The following UTP4 variants were observed in gnomAD, a reference collection of about 807,000 sequenced individuals.
The protein encoded by UTP4 is U3 small nucleolar RNA-associated protein 4 homolog.
Under a neutral mutation model 82.4 loss-of-function variants are expected in UTP4, and 45 were observed. That is an observed-to-expected ratio of 0.55 (90% CI 0.43 to 0.70). The LOEUF (loss-of-function observed/expected upper bound fraction) is 0.70, where lower values mean the gene tolerates loss of function less well. Ranked by LOEUF, UTP4 falls within the 30% of genes least tolerant of loss-of-function variation. The probability of loss-of-function intolerance (pLI) is 0.00; values close to 1 mark genes in which losing one functional copy is unlikely to be tolerated. For missense variants in UTP4, 819 were observed against 858.3 expected (o/e 0.95, Z 0.57); for synonymous variants, 348 against 300.3 (o/e 1.16, Z -1.64).
At position 69,150,712 on chromosome 16, in the gene UTP4, G is replaced by T. The variant is rs1963238489; in HGVS notation, c.910+4G>T. On this transcript the variant is annotated splice_donor_region_variant and intron_variant, in intron 7 of 16. Coordinates refer to ENST00000314423, the MANE Select transcript of UTP4 (RefSeq NM_032830.3). Reference sequence around the variant, plus strand: ...CCAACAGCGCTGATATCTGGAGGTGGGTTCCCCCTCTGGTGAGGCTGCTGC... The same window carrying T: ...CCAACAGCGCTGATATCTGGAGGTGTGTTCCCCCTCTGGTGAGGCTGCTGC... 10 of 1,614,192 alleles carry T rather than the reference G, an allele frequency of 6.2e-6. No individual in the cohort carries two copies. Among genetic ancestry groups the T allele is most frequent in the Non-Finnish European group, 8.5e-6 (10 of 1,180,042 alleles).
rs375717892 is a variant in UTP4 at position 69,165,922 on chromosome 16, G to A, written c.1833+396G>A. 4.6e-5 allele frequency: 16 copies of A among 348,516 alleles called. No homozygotes were observed. The East Asian group carries it at 5.8e-4, about 13-fold the overall frequency. The allele number at this position is 348,516 out of a possible 1,614,324, so 21.6% of individuals were successfully genotyped here. On this transcript the variant is annotated intron_variant, in intron 15 of 16. Coordinates refer to ENST00000314423, the MANE Select transcript of UTP4 (RefSeq NM_032830.3). ...GAACTCTGGGGTATCTGAATAACCTGGTTTCATTAAAGGAGGTACAGGCTG... is the reference window on the plus strand; with the variant it reads ...GAACTCTGGGGTATCTGAATAACCTAGTTTCATTAAAGGAGGTACAGGCTG...
rs11541983 is a variant in UTP4 at position 69,136,780 on chromosome 16, G to A, written c.244G>A (p.Glu82Lys). The part of the protein sequence containing the change: ...QRLFSAGLNG[E>K]IMEYDLQALN... ...ACTCTTTAGTGCTGGGCTCAATGGCGAGATTATGGAGTATGATTTACAGGC... is the reference window on the plus strand; with the variant it reads ...ACTCTTTAGTGCTGGGCTCAATGGCAAGATTATGGAGTATGATTTACAGGC... Residue 82 changes from glutamate (E) to lysine (K), a missense_variant, in exon 3 of 17, where the codon GAG (glutamate) becomes AAG (lysine). Physicochemically the swap from Glu to Lys is moderately conservative, Grantham distance 56. Transcript: ENST00000314423. The A allele has an allele frequency of 1.7e-5, 27 of 1,614,168 alleles. No homozygotes were observed. The highest frequency in any genetic ancestry group is 3.3e-5 in the Admixed American group (2 of 60,018).
intron 13 of UTP4, among the ~76,000 whole-genome samples, chr16:69,161,748 T>A (rs1370884455): frequency 1.3e-5 from 2 of 152,194 alleles, no homozygotes; most frequent in Non-Finnish European, 2.9e-5. Flanking sequence ...CACTGCAGCC[T>A]TGACCTCTCT....
intron 4 of UTP4, chr16:69,139,582 T>C: frequency 6.2e-6 from 1 of 161,220 alleles, no homozygotes; most frequent in Non-Finnish European, 1.3e-5. Context: ...GAGGTTGCAG[T>C]GAGCCGAGAT....
chr16:69,150,052 A>C (rs1232383269), intron 6 of UTP4, among the ~76,000 whole-genome samples: 2 of 152,146 alleles, frequency 1.3e-5, no homozygotes, highest in Non-Finnish European at 2.9e-5. Context: ...ATTTTTAATG[A>C]AATAAACGTT....
At chr16:69,157,300 CT>C in intron 12 of UTP4, 60 bp downstream of exon 12, 1 of 1,565,522 alleles carries the variant, frequency 6.4e-7, no homozygotes, top group South Asian at 1.1e-5. Flanking sequence ...AACTTTTTTG[CT>C]TTTAAGCCTC....
chr16:69,156,114 G>A, intron 11 of UTP4, 121 bp downstream of exon 11: 2 of 1,000,958 alleles, frequency 2.0e-6, no homozygotes, highest in Non-Finnish European at 3.1e-6. Context: ...TTGGAGATTT[G>A]GAGAAGGCTG....
intron 14 of UTP4, 67 bp from the exon 15 acceptor site, chr16:69,165,274 G>A: frequency 2.2e-6 from 3 of 1,340,618 alleles, no homozygotes; most frequent in Non-Finnish European, 1.1e-6. Flanking sequence ...TCTGGTTAGG[G>A]ATGAGAATGC....
At chr16:69,151,010 T>A in intron 8 of UTP4, 106 bp downstream of exon 8, 1 of 193,654 alleles carries the variant, frequency 5.2e-6, no homozygotes, top group Non-Finnish European at 9.9e-6. Flanking sequence ...TTTGTAGGAC[T>A]TTTTTTTTTT....
chr16:69,161,923 G>A (rs968194298), intron 13 of UTP4, among the ~76,000 whole-genome samples: 8 of 151,796 alleles, frequency 5.3e-5, no homozygotes, highest in Admixed American at 1.3e-4. Context: ...TGGCCCTTCC[G>A]AAGTGCTGTA....
chr16:69,150,996 C>A, intron 8 of UTP4, 92 bp downstream of exon 8: 3 of 954,662 alleles, frequency 3.1e-6, no homozygotes, highest in Non-Finnish European at 4.9e-6. Context: ...TCACGCTCGG[C>A]AAATTTGTAG....
intron 5 of UTP4, 134 bp downstream of exon 5, chr16:69,140,048 C>T (rs1962917456): frequency 4.1e-6 from 3 of 736,670 alleles, no homozygotes; most frequent in Non-Finnish European, 7.5e-6. Flanking sequence ...CTGAGATGTC[C>T]ACAATTAATT....
At chr16:69,136,950 C>T in intron 3 of UTP4, 63 bp downstream of exon 3, 2 of 1,380,012 alleles carry the variant, frequency 1.4e-6, no homozygotes, top group Middle Eastern at 1.8e-4. Flanking sequence ...AGACTTTCTT[C>T]CCTGTGCTCA....
intron 6 of UTP4, among the ~76,000 whole-genome samples, chr16:69,144,660 C>T (rs1963058925): frequency 6.6e-6 from 1 of 152,202 alleles, no homozygotes; most frequent in South Asian, 2.1e-4. Context: ...TGCCGACATC[C>T]ATATTCTAGT....
At chr16:69,164,966 C>T (rs1367226089) in intron 14 of UTP4, among the ~76,000 whole-genome samples, 5 of 152,076 alleles carry the variant, frequency 3.3e-5, no homozygotes, top group African/African-American at 4.8e-5. Context: ...GAGGCTGAGG[C>T]GGGCAGATCA....
At position 69,150,885 on chromosome 16, in the gene UTP4, GA is replaced by G; in HGVS notation, c.988del (p.Ile330SerfsTer26). ...VEVKNYDAAL[R>X]KITFPHRCLI... ...GTAAAGAATTACGATGCCGCTCTCCGAAAAATCACCTTTCCCCACGTAAGTG... is the reference window on the plus strand; with the variant it reads ...GTAAAGAATTACGATGCCGCTCTCCGAAAATCACCTTTCCCCACGTAAGTG... On this transcript the variant is annotated frameshift_variant, in exon 8 of 17. Coordinates refer to ENST00000314423, the MANE Select transcript of UTP4 (RefSeq NM_032830.3). LOFTEE classifies it high-confidence loss of function. The G allele has an allele frequency of 6.2e-7, 1 of 1,613,616 alleles. No individual in the cohort carries two copies. The highest frequency in any genetic ancestry group is 8.5e-7 in the Non-Finnish European group (1 of 1,179,830).
At position 69,143,408 on chromosome 16, in the gene UTP4, T is replaced by C. The variant is rs372278453; in HGVS notation, c.738+19T>C. ...AGCTGACGTGAGTACAGTCCCTGTT[T>C]AGAGTGGTTGATGTACACCCTTGTG... On this transcript the variant is annotated intron_variant, in intron 6 of 16. Transcript: ENST00000314423. The C allele has an allele frequency of 1.2e-6, 2 of 1,610,156 alleles. No individual in the cohort carries two copies. The highest frequency in any genetic ancestry group is 8.5e-7 in the Non-Finnish European group (1 of 1,176,444).
rs1963768424 is a variant in UTP4 at position 69,168,824 on chromosome 16, C to T, written c.1948C>T (p.Leu650=). The part of the protein sequence containing the change: ...AFKISKIYKP[L]LFMDLLDERT... ...AATAATTATCATCCCTCTGCAGCCT[C>T]TACTCTTCATGGATCTTTTGGATGA... is the stretch of plus-strand genomic sequence containing the variant. The change falls in exon 17 of 17, where the codon CTA becomes TTA. Residue 650 remains leucine (L), a synonymous_variant. Transcript: ENST00000314423. 3 of 1,603,002 alleles carry T rather than the reference C, an allele frequency of 1.9e-6. No individual in the cohort carries two copies. The highest frequency in any genetic ancestry group is 1.1e-5 in the South Asian group (1 of 90,876).
chr16:69,145,482 A>T (rs145645951), intron 6 of UTP4, among the ~76,000 whole-genome samples: 1 of 151,830 alleles, frequency 6.6e-6, no homozygotes, highest in African/African-American at 2.4e-5. Flanking sequence ...TGAACTCCTG[A>T]CCTCAGGTGA....
Sources: allele counts gnomAD v4.1 joint callset (sites outside exome capture counted in the v4.1 genomes callset), GRCh38; gene constraint gnomAD v4.1.1; transcripts MANE v1.5; gene names NCBI Gene and HGNC (gene_info 2026-07-23, HGNC 2026-07-21).